The following RAB11FIP3 variants were observed in gnomAD, a reference collection of about 807,000 sequenced individuals.
The protein encoded by RAB11FIP3 is rab11 family-interacting protein 3.
In RAB11FIP3, 17 loss-of-function variants were observed where a neutral mutation model predicts 77.8. The ratio of observed to expected loss-of-function variants is 0.22; its 90% CI spans 0.15 to 0.33. RAB11FIP3 has a LOEUF of 0.33. Among genes scored for constraint, RAB11FIP3 ranks in the 10% least tolerant of loss-of-function variants. RAB11FIP3 has a pLI of 1.00. For missense variants in RAB11FIP3, 1,005 were observed against 1,011.2 expected, an observed-to-expected ratio of 0.99 and a Z score of 0.08; for synonymous variants, 437 against 448.2, an observed-to-expected ratio of 0.98 and a Z score of 0.31.
intron 4 of RAB11FIP3, among the ~76,000 whole-genome samples, chr16:484,029 C>T (rs2056100722): frequency 6.6e-6 from 1 of 152,012 alleles, no homozygotes; most frequent in African/African-American, 2.4e-5. Context: ...CTTCCTGGGG[C>T]GGCATCACGG....
rs973662987 is a variant in RAB11FIP3, at chr16:521,199, G to A, written c.*360G>A. On this transcript the variant is annotated 3_prime_UTR_variant, in exon 14 of 14. Transcript: ENST00000262305. ...GCAGGATGGGCTGGAGAGCCTCTCTGTGCAGCGGTGTGGGGTGAGCCCTGC... is the reference window on the plus strand; with the variant it reads ...GCAGGATGGGCTGGAGAGCCTCTCTATGCAGCGGTGTGGGGTGAGCCCTGC... 2 of 317,218 alleles carry A rather than the reference G, an allele frequency of 6.3e-6. No individual in the cohort carries two copies. Among genetic ancestry groups the A allele is most frequent in the Non-Finnish European group, 1.2e-5 (2 of 165,006 alleles). The allele number at this position is 317,218 out of a possible 1,614,324, so 19.7% of individuals were successfully genotyped here.
rs188885790 is a variant in RAB11FIP3 at position 495,833 on chromosome 16, C to T, written c.1266-991C>T. Among the ~76,000 whole-genome samples, 214 of 152,302 alleles carry T rather than the reference C, an allele frequency of 1.4e-3. 2 individuals are homozygous for T. Among genetic ancestry groups the T allele is most frequent in the East Asian group, 2.1e-3 (11 of 5,184 alleles). ...TGGCGTGATCTCGGCTGACTGCAAC[C>T]TCTGCCTCCCGGGTTCAAGCGAGTC... is the stretch of plus-strand genomic sequence containing the variant. On this transcript the variant is annotated intron_variant, in intron 5 of 13. Coordinates refer to ENST00000262305, the MANE Select transcript of RAB11FIP3 (RefSeq NM_014700.4).
At chr16:436,086 G>A (rs181084040) in intron 1 of RAB11FIP3, among the ~76,000 whole-genome samples, 6 of 152,184 alleles carry the variant, frequency 3.9e-5, no homozygotes, top group African/African-American at 1.2e-4. Context: ...CGACGCCGGC[G>A]ACTCACAAGG....
chr16:450,226 G>A (rs2055384803), intron 1 of RAB11FIP3, among the ~76,000 whole-genome samples: 1 of 152,070 alleles, frequency 6.6e-6, no homozygotes, highest in African/African-American at 2.4e-5. Context: ...CTGGAGTGCA[G>A]TGGAACAATC....
chr16:426,031 C>T lies in RAB11FIP3; in HGVS notation c.25C>T (p.Pro9Ser), dbSNP rs539280195. 15 of 994,240 alleles carry T rather than the reference C, an allele frequency of 1.5e-5. No homozygotes were observed. The East Asian group carries it at 1.4e-3, about 94-fold the overall frequency. The allele number at this position is 994,240 out of a possible 1,614,324, so 61.6% of individuals were successfully genotyped here. The change falls in exon 1 of 14, where the codon CCC becomes TCC. Residue 9 changes from proline (P) to serine (S), a missense_variant. Coordinates refer to ENST00000262305, the MANE Select transcript of RAB11FIP3 (RefSeq NM_014700.4). The surrounding 1 kb of genome is among the most constrained non-coding windows in gnomAD (Gnocchi z 5.0). MASAPPAS[P>S]PGSEPPGPDP... ...CATGGCGTCGGCCCCGCCGGCCTCG[C>T]CCCCGGGCTCGGAGCCGCCGGGGCC...
At chr16:487,525 G>A (rs962871035) in intron 4 of RAB11FIP3, among the ~76,000 whole-genome samples, 2 of 152,166 alleles carry the variant, frequency 1.3e-5, no homozygotes, top group Non-Finnish European at 2.9e-5. Context: ...AACTCCTCAC[G>A]GCTGAGCACA....
Position 502,483 on chromosome 16 carries a change from A to G in RAB11FIP3, c.1302-521A>G, listed in dbSNP as rs532712811. On this transcript the variant is annotated intron_variant, in intron 6 of 13. Coordinates refer to ENST00000262305, the MANE Select transcript of RAB11FIP3 (RefSeq NM_014700.4). The stretch of plus-strand genomic sequence containing the variant: ...GTTTCCCAGTGTGTCCGTGAGGGTG[A>G]CACTGAGTGAGACTTCTGGGATCCA... Among the ~76,000 whole-genome samples the G allele has an allele frequency of 2.6e-5, 4 of 152,276 alleles. No homozygotes were observed. The East Asian group carries it at 7.7e-4, about 29-fold the overall frequency.
chr16:468,950 C>T (rs189461754), intron 2 of RAB11FIP3, among the ~76,000 whole-genome samples: 16 of 152,276 alleles, frequency 1.1e-4, no homozygotes, highest in African/African-American at 2.4e-4. Flanking sequence ...AGCTGTCATG[C>T]GCTGTGTCCA....
At chr16:436,194 C>T (rs1413974765) in intron 1 of RAB11FIP3, among the ~76,000 whole-genome samples, 1 of 152,132 alleles carries the variant, frequency 6.6e-6, no homozygotes, top group African/African-American at 2.4e-5. Context: ...CCTGTAATTC[C>T]AGCTACTCGG....
intron 2 of RAB11FIP3, among the ~76,000 whole-genome samples, chr16:468,115 CCTCA>C (rs2055742485): frequency 4.3e-5 from 1 of 23,150 alleles, no homozygotes; most frequent in Non-Finnish European, 8.6e-5. Flanking sequence ...GGTGCTGGGG[CCTCA>C]GGGAGGAGGT....
chr16:502,535 C>T (rs1276185159), intron 6 of RAB11FIP3, among the ~76,000 whole-genome samples: 1 of 152,210 alleles, frequency 6.6e-6, no homozygotes, highest in African/African-American at 2.4e-5. Flanking sequence ...CTCACTCTTC[C>T]TGCCACAGAA....
chr16:488,429 G>A (rs529066341), intron 4 of RAB11FIP3, among the ~76,000 whole-genome samples: 8 of 150,540 alleles, frequency 5.3e-5, no homozygotes, highest in Non-Finnish European at 8.9e-5. Context: ...TTTTTTTTGA[G>A]ACAGGGCCTT....
At chr16:449,942 C>A (rs963337181) in intron 1 of RAB11FIP3, among the ~76,000 whole-genome samples, 2 of 151,970 alleles carry the variant, frequency 1.3e-5, no homozygotes, top group South Asian at 4.1e-4. Flanking sequence ...CAGAGTGAGG[C>A]TCCATCTCAA....
chr16:455,458 A>T (rs2141627397), intron 1 of RAB11FIP3, among the ~76,000 whole-genome samples: 1 of 149,228 alleles, frequency 6.7e-6, no homozygotes, highest in Non-Finnish European at 1.5e-5. Context: ...TGGGTAACAG[A>T]GGCGACTCTG....
At chr16:475,015 G>A in intron 3 of RAB11FIP3, 1 of 1,551,736 alleles carries the variant, frequency 6.4e-7, no homozygotes, top group Non-Finnish European at 8.7e-7. Flanking sequence ...ACGATGGGGA[G>A]CCGGTCTCCA....
rs186304496 is a variant in RAB11FIP3, at chr16:486,111, C to T, written c.1116-2740C>T. Among the ~76,000 whole-genome samples the T allele has an allele frequency of 1.2e-4, 18 of 152,236 alleles. No homozygotes were observed. The East Asian group carries it at 3.5e-3, about 30-fold the overall frequency. On this transcript the variant is annotated intron_variant, in intron 4 of 13. Coordinates refer to ENST00000262305, the MANE Select transcript of RAB11FIP3 (RefSeq NM_014700.4). ...TAGAGATAGGGTTTCGCCATATTGGCCAGGTTGACCTCAAACTGCCAGCCT... is the reference window on the plus strand; with the variant it reads ...TAGAGATAGGGTTTCGCCATATTGGTCAGGTTGACCTCAAACTGCCAGCCT...
rs2056073433 is a variant in RAB11FIP3, at chr16:482,798, C to G, written c.1115+62C>G. 21 of 1,499,692 alleles carry G rather than the reference C, an allele frequency of 1.4e-5. No individual in the cohort carries two copies. In the South Asian group the frequency reaches 2.2e-4, roughly 15 times the overall value. The allele number at this position is 1,499,692 out of a possible 1,614,324, so 92.9% of individuals were successfully genotyped here. The stretch of plus-strand genomic sequence containing the variant: ...GGGATGTGGCACCCTGTGGAGGTGT[C>G]TGATGGGCAGACTGGGGTCTTGGAG... On this transcript the variant is annotated intron_variant, in intron 4 of 13. Transcript: ENST00000262305.
chr16:510,875 GC>G, intron 9 of RAB11FIP3, 75 bp downstream of exon 9: 2 of 1,471,968 alleles, frequency 1.4e-6, no homozygotes, highest in Non-Finnish European at 1.8e-6. Flanking sequence ...CAGCCCGCCA[GC>G]CCCAGAAACT....
intron 5 of RAB11FIP3, chr16:491,335 C>T: frequency 1.6e-6 from 2 of 1,271,284 alleles, no homozygotes; most frequent in South Asian, 1.3e-5. Flanking sequence ...TACCCACAGC[C>T]CCCTTGAGGG....
Sources: allele counts gnomAD v4.1 joint callset (sites outside exome capture counted in the v4.1 genomes callset), GRCh38; gene constraint gnomAD v4.1.1; non-coding constraint Gnocchi (gnomAD v3.1); transcripts MANE v1.5; gene names NCBI Gene and HGNC (gene_info 2026-07-23, HGNC 2026-07-21).